FER1L6: variants seen among roughly 807,000 people sequenced by gnomAD.
The protein encoded by FER1L6 is fer-1 like family member 6.
A neutral mutation model predicts 219.2 loss-of-function variants in FER1L6; 177 were observed. The observed-to-expected ratio is 0.81, with a 90% confidence interval of 0.71 to 0.91. The LOEUF (loss-of-function observed/expected upper bound fraction) is 0.91. Ranked by LOEUF, FER1L6 falls within the 40% of genes least tolerant of loss-of-function variation. FER1L6 has a pLI of 0.00. For missense variants in FER1L6, 2,153 were observed against 2,259.9 expected (o/e 0.95, Z 0.96); for synonymous variants, 768 against 824.3 (o/e 0.93, Z 1.17).
At chr8:123,926,305 A>T (rs1233228513) in intron 1 of FER1L6, among the ~76,000 whole-genome samples, 1 of 152,140 alleles carries the variant, frequency 6.6e-6, no homozygotes, top group Non-Finnish European at 1.5e-5. Flanking sequence ...TATGTTTAAG[A>T]ATCCCGGTGG....
At chr8:124,103,013 T>G in intron 38 of FER1L6, 133 bp from the exon 39 acceptor site, 1 of 834,174 alleles carries the variant, frequency 1.2e-6, no homozygotes, top group Non-Finnish European at 1.9e-6. Flanking sequence ...TAGCACATAG[T>G]TGTGATCCAA....
intron 20 of FER1L6, among the ~76,000 whole-genome samples, chr8:124,042,129 C>T (rs1819528695): frequency 6.6e-6 from 1 of 152,194 alleles, no homozygotes. Flanking sequence ...TAGTGAAGTA[C>T]AGGATTTGGA....
intron 39 of FER1L6, among the ~76,000 whole-genome samples, chr8:124,113,587 T>A (rs1823108245): frequency 6.6e-6 from 1 of 152,200 alleles, no homozygotes; most frequent in Admixed American, 6.5e-5. Context: ...TATATAGCTG[T>A]TTCCTTTTCA....
chr8:123,925,818 A>T (rs1460593051), intron 1 of FER1L6: 3 of 152,232 alleles, frequency 2.0e-5, no homozygotes, highest in Admixed American at 2.0e-4. Flanking sequence ...GCTTACAAAC[A>T]TCAGCTCCAT....
chr8:124,077,157 T>G (rs1003427187), intron 32 of FER1L6, among the ~76,000 whole-genome samples: 1 of 152,228 alleles, frequency 6.6e-6, no homozygotes, highest in African/African-American at 2.4e-5. Context: ...TCTCTGTTCC[T>G]AGTTTTCCTG....
intron 13 of FER1L6, among the ~76,000 whole-genome samples, chr8:124,004,997 CAA>C (rs1358187234): frequency 2.1e-4 from 25 of 120,010 alleles, no homozygotes; most frequent in South Asian, 2.7e-4. Context: ...GACTCTGTCT[CAA>C]AAAAAAAAAA....
At chr8:124,057,290 G>A (rs557942360) in intron 22 of FER1L6, among the ~76,000 whole-genome samples, 12 of 152,246 alleles carry the variant, frequency 7.9e-5, no homozygotes, top group African/African-American at 2.6e-4. Flanking sequence ...TTATTCCATT[G>A]TTTGGGCTGT....
At chr8:124,003,061 C>T in intron 12 of FER1L6, 106 bp from the exon 13 acceptor site, 1 of 885,172 alleles carries the variant, frequency 1.1e-6, no homozygotes, top group Non-Finnish European at 1.8e-6. Context: ...ATAATGGGAG[C>T]TTACCTTATT....
At chr8:124,002,167 G>A (rs1255038354) in intron 12 of FER1L6, among the ~76,000 whole-genome samples, 2 of 152,220 alleles carry the variant, frequency 1.3e-5, no homozygotes, top group African/African-American at 4.8e-5. Flanking sequence ...ATAATCTTCT[G>A]TGGAGAGACA....
chr8:124,021,446 C>T lies in FER1L6; in HGVS notation c.2014-104C>T, dbSNP rs763823626. 125 of 1,470,990 alleles carry T rather than the reference C, an allele frequency of 8.5e-5. 1 individual carries two copies. Among genetic ancestry groups the T allele is most frequent in the South Asian group, 1.9e-4 (15 of 80,136 alleles). 91.1% of individuals were successfully genotyped at this position (1,470,990 alleles called of 1,614,324 possible). A position where few individuals can be genotyped will look rare whatever the true frequency, so the allele number is the denominator to read the frequency against. Reference sequence around the variant, plus strand: ...ACCCTGGAACAGTCCACGTGAGTGACTCAGTGTGGAGCTCACCAGGACCTT... The same window carrying T: ...ACCCTGGAACAGTCCACGTGAGTGATTCAGTGTGGAGCTCACCAGGACCTT... On this transcript the variant is annotated intron_variant, in intron 16 of 40. Coordinates refer to ENST00000522917, the MANE Select transcript of FER1L6 (RefSeq NM_001039112.2).
chr8:123,901,096 T>G (rs1039610133), intron 1 of FER1L6, among the ~76,000 whole-genome samples: 3 of 152,214 alleles, frequency 2.0e-5, no homozygotes, highest in Non-Finnish European at 4.4e-5. Flanking sequence ...CTTCTTTGAA[T>G]GTCTGGTATA....
intron 1 of FER1L6, among the ~76,000 whole-genome samples, chr8:123,914,289 G>A (rs1813124404): frequency 6.6e-6 from 1 of 152,122 alleles, no homozygotes; most frequent in Admixed American, 6.5e-5. Flanking sequence ...TGGTCTTATG[G>A]TCTCTTCTAA....
chr8:123,927,885 T>G (rs796396199), intron 1 of FER1L6, among the ~76,000 whole-genome samples: 4 of 152,368 alleles, frequency 2.6e-5, no homozygotes, highest in African/African-American at 9.6e-5. Context: ...TATATCACAG[T>G]GTTTATTGTC....
At chr8:124,059,016 G>A (rs972998971) in intron 22 of FER1L6, 1 of 152,210 alleles carries the variant, frequency 6.6e-6, no homozygotes, top group African/African-American at 2.4e-5. Context: ...TGCAGATTTT[G>A]ATGCACAGTT....
At position 124,103,304 on chromosome 8, in the gene FER1L6, CT is replaced by C; in HGVS notation, c.5285del (p.Leu1762ProfsTer11). The C allele has an allele frequency of 1.2e-6, 2 of 1,613,796 alleles. No homozygotes were observed. Among genetic ancestry groups the C allele is most frequent in the South Asian group, 2.2e-5 (2 of 91,030 alleles). On this transcript the variant is annotated frameshift_variant, in exon 39 of 41. Coordinates refer to ENST00000522917, the MANE Select transcript of FER1L6 (RefSeq NM_001039112.2). LOFTEE classifies it high-confidence loss of function. ...GWWPFSKSKE[L>X]TGKVEAEFHL... ...GTGGCCTTTTTCTAAAAGCAAAGAA[CT>C]CACAGTAAGTGACAGCTATGGGAGG...
At chr8:123,960,820 C>A (rs371388042) in intron 2 of FER1L6, among the ~76,000 whole-genome samples, 1 of 152,112 alleles carries the variant, frequency 6.6e-6, no homozygotes, top group African/African-American at 2.4e-5. Flanking sequence ...TCAGCAAAGA[C>A]CTTTTTTCTA....
chr8:124,000,815 T>C (rs1015086901), intron 12 of FER1L6, among the ~76,000 whole-genome samples: 1 of 152,104 alleles, frequency 6.6e-6, no homozygotes. Flanking sequence ...ATGAAATACA[T>C]CCCTTTTAAG....
At chr8:123,988,014 C>G (rs1359356878) in intron 12 of FER1L6, among the ~76,000 whole-genome samples, 6 of 152,112 alleles carry the variant, frequency 3.9e-5, no homozygotes, top group African/African-American at 1.4e-4. Context: ...AGGAGAATCA[C>G]TTGAACCCGG....
rs561683035 is a variant in FER1L6 at position 123,853,238 on chromosome 8, G to T, written c.-8+1053G>T. ...GGTACAATCTTGGCTCACTGCAGCC[G>T]CCACCTCCCAGGTTCAAGTGAGTCT... On this transcript the variant is annotated intron_variant, in intron 1 of 40. Transcript: ENST00000522917. This position sits in a 1 kb window ranked among gnomAD's most constrained non-coding sequence, Gnocchi z 6.6. Among the ~76,000 whole-genome samples, 3 of 152,094 alleles carry T rather than the reference G, an allele frequency of 2.0e-5. No homozygotes were observed. The highest frequency in any genetic ancestry group is 4.4e-5 in the Non-Finnish European group (3 of 68,014).
Sources: gnomAD v4.1 joint callset for allele counts (sites outside exome capture counted in the v4.1 genomes callset) on GRCh38, gnomAD v4.1.1 for gene constraint, Gnocchi (gnomAD v3.1) non-coding constraint, MANE v1.5 for transcripts, NCBI Gene and HGNC (gene_info 2026-07-23, HGNC 2026-07-21) for gene names.